DUSP22: variants seen among roughly 807,000 people sequenced by gnomAD.
DUSP22 encodes dual specificity protein phosphatase 22.
DUSP22 carries 24 observed loss-of-function variants against 24.5 expected under a neutral mutation model. The ratio of observed to expected loss-of-function variants is 0.98; its 90% confidence interval spans 0.71 to 1.38. The LOEUF (loss-of-function observed/expected upper bound fraction) is 1.38. Among genes scored for constraint, DUSP22 ranks in the 40% most tolerant of loss-of-function variants. The pLI is 0.00. For missense variants in DUSP22, 330 were observed against 269.2 expected (o/e 1.23, Z -1.58); for synonymous variants, 160 against 106.4 (o/e 1.50, Z -3.10).
At chr6:337,718 C>T (rs1273983387) in intron 4 of DUSP22, among the ~76,000 whole-genome samples, 4 of 152,304 alleles carry the variant, frequency 2.6e-5, no homozygotes, top group Non-Finnish European at 4.4e-5. Flanking sequence ...TTAGCGCATC[C>T]GTCACCCGAA....
chr6:338,925 G>C (rs1337937215), intron 4 of DUSP22, among the ~76,000 whole-genome samples: 1 of 152,304 alleles, frequency 6.6e-6, no homozygotes, highest in Non-Finnish European at 1.5e-5. Flanking sequence ...TCAGTTTTCT[G>C]TCTTGGCCTC....
Position 348,467 on chromosome 6 carries a change from G to A in DUSP22, c.435+193G>A, listed in dbSNP as rs112277214. ...TCGTGCACCTGTTGAAGCCACAGGC[G>A]CCTACCCTTTGTCATTCTCCTTGTG... On this transcript the variant is annotated intron_variant, in intron 6 of 6. Transcript: ENST00000419235. The A allele has an allele frequency of 1.2e-3, 1,235 of 1,001,930 alleles. 1 individual carries two copies. The African/African-American group carries it at 0.017, about 14-fold the overall frequency. The allele number at this position is 1,001,930 out of a possible 1,614,324, so 62.1% of individuals were successfully genotyped here. A position where few individuals can be genotyped will look rare whatever the true frequency, so the allele number is the denominator to read the frequency against.
At position 345,902 on chromosome 6, in the gene DUSP22, C is replaced by A; in HGVS notation, c.237C>A (p.Leu79=). Residue 79 remains leucine (L), a synonymous_variant, in exon 5 of 7, where the codon CTC becomes CTA. Coordinates refer to ENST00000419235, the MANE Select transcript of DUSP22 (RefSeq NM_001286555.3). ...ESIKFIHECR[L]RGESCLVHCL... is the part of the protein sequence containing the mutation. ...TTAAATTCATTCACGAGTGCCGGCT[C>A]CGCGGTGAGAGCTGCCTTGTACACT... The A allele has an allele frequency of 6.2e-7, 1 of 1,614,290 alleles. No homozygotes were observed. The highest frequency in any genetic ancestry group is 1.1e-5 in the South Asian group (1 of 91,092).
chr6:345,894 T>C lies in DUSP22; in HGVS notation c.229T>C (p.Cys77Arg). ...AGAAAGTATTAAATTCATTCACGAG[T>C]GCCGGCTCCGCGGTGAGAGCTGCCT... ...FKESIKFIHE[C>R]RLRGESCLVH... The change falls in exon 5 of 7, where the codon TGC (cysteine) becomes CGC (arginine). Residue 77 changes from cysteine to arginine, a missense_variant. Physicochemically the swap from Cys to Arg is radical, Grantham distance 180. Transcript: ENST00000419235. 8 of 1,614,272 alleles carry C rather than the reference T, an allele frequency of 5.0e-6. No individual in the cohort carries two copies. Among genetic ancestry groups the C allele is most frequent in the Non-Finnish European group, 5.9e-6 (7 of 1,180,022 alleles).
Position 348,219 on chromosome 6 carries a change from C to T in DUSP22, c.380C>T (p.Pro127Leu). 1 of 1,614,312 alleles carries T rather than the reference C, an allele frequency of 6.2e-7. No homozygotes were observed. The highest frequency in any genetic ancestry group is 8.5e-7 in the Non-Finnish European group (1 of 1,180,058). Residue 127 changes from proline (P) to leucine (L), a missense_variant, in exon 6 of 7, where the codon CCC (proline) becomes CTC (leucine). Coordinates refer to ENST00000419235, the MANE Select transcript of DUSP22 (RefSeq NM_001286555.3). ...TVRAGRSCAN[P>L]NVGFQRQLQE... Reference sequence around the variant, plus strand: ...CGTGCTGGGAGATCCTGTGCCAACCCCAACGTGGGCTTCCAGAGACAGCTC... The same window carrying T: ...CGTGCTGGGAGATCCTGTGCCAACCTCAACGTGGGCTTCCAGAGACAGCTC...
At chr6:300,380 G>A (rs1485395131) in intron 1 of DUSP22, among the ~76,000 whole-genome samples, 1 of 152,310 alleles carries the variant, frequency 6.6e-6, no homozygotes, top group Non-Finnish European at 1.5e-5. Flanking sequence ...AAGCTACACG[G>A]AGCCCTAAGC....
chr6:346,976 A>G (rs1759913818), intron 5 of DUSP22, among the ~76,000 whole-genome samples: 1 of 152,306 alleles, frequency 6.6e-6, no homozygotes, highest in Admixed American at 6.5e-5. Flanking sequence ...CTGCAGTTTC[A>G]TACAGTTCTT....
chr6:345,199 A>T (rs1759802067), intron 4 of DUSP22, among the ~76,000 whole-genome samples: 1 of 151,914 alleles, frequency 6.6e-6, no homozygotes, highest in Non-Finnish European at 1.5e-5. Flanking sequence ...AGTAAACCAC[A>T]GGAAGAATAA....
At chr6:329,359 A>G (rs1427844815) in intron 3 of DUSP22, among the ~76,000 whole-genome samples, 1 of 152,310 alleles carries the variant, frequency 6.6e-6, no homozygotes, top group African/African-American at 2.4e-5. Flanking sequence ...CTTTAGGAGA[A>G]TGAAAAAGTC....
intron 2 of DUSP22, among the ~76,000 whole-genome samples, chr6:310,688 AT>A (rs1758042042): frequency 6.6e-6 from 1 of 152,304 alleles, no homozygotes; most frequent in Admixed American, 6.5e-5. Context: ...ATGGTTTTGT[AT>A]TTAGCTTTTT....
chr6:304,801 A>G (rs1757746474), intron 2 of DUSP22, 140 bp downstream of exon 2: 2 of 1,272,708 alleles, frequency 1.6e-6, no homozygotes, highest in Non-Finnish European at 1.1e-6. Flanking sequence ...CTTCTGCAGG[A>G]CTTTTCATGT....
Position 321,618 on chromosome 6 carries a change from C to T in DUSP22, c.138+9656C>T, listed in dbSNP as rs532421185. ...AAAATGAAAGAAGGGGAAAGATTCT[C>T]TAGCAAGAATCAAGCAAAAGGAACA... On this transcript the variant is annotated intron_variant, in intron 3 of 6. Coordinates refer to ENST00000419235, the MANE Select transcript of DUSP22 (RefSeq NM_001286555.3). 4.1e-4 allele frequency among the ~76,000 whole-genome samples: 62 copies of T among 152,374 alleles called. No individual in the cohort carries two copies. The East Asian group carries it at 0.011, about 28-fold the overall frequency.
intron 1 of DUSP22, among the ~76,000 whole-genome samples, chr6:298,439 C>T (rs1265516242): frequency 6.6e-6 from 1 of 152,302 alleles, no homozygotes; most frequent in Non-Finnish European, 1.5e-5. Flanking sequence ...GAGTTTACTT[C>T]TCAGCATCAG....
rs916469909 is a variant in DUSP22 at position 350,471 on chromosome 6, C to T, written c.*1520C>T. 9 of 1,161,616 alleles carry T rather than the reference C, an allele frequency of 7.7e-6. No individual in the cohort carries two copies. Among genetic ancestry groups the T allele is most frequent in the African/African-American group, 1.6e-5 (1 of 62,690 alleles). The allele number at this position is 1,161,616 out of a possible 1,614,324, so 72.0% of individuals were successfully genotyped here. Reference sequence around the variant, plus strand: ...TCTGAATTCCACCACAAAAAGAGACCCTGAATAAGAAGAGCAGTTTTCCTG... The same window carrying T: ...TCTGAATTCCACCACAAAAAGAGACTCTGAATAAGAAGAGCAGTTTTCCTG... On this transcript the variant is annotated 3_prime_UTR_variant, in exon 7 of 7. Coordinates refer to ENST00000419235, the MANE Select transcript of DUSP22 (RefSeq NM_001286555.3).
At chr6:321,496 A>T (rs1758586005) in intron 3 of DUSP22, among the ~76,000 whole-genome samples, 1 of 152,306 alleles carries the variant, frequency 6.6e-6, no homozygotes, top group Admixed American at 6.5e-5. Flanking sequence ...AGAAGTGATG[A>T]GGGTCTGAAC....
chr6:307,147 G>C (rs1253431922), intron 2 of DUSP22, among the ~76,000 whole-genome samples: 2 of 152,424 alleles, frequency 1.3e-5, no homozygotes, highest in African/African-American at 4.8e-5. Context: ...CTCTTGCCTG[G>C]CATCTCATAT....
intron 1 of DUSP22, among the ~76,000 whole-genome samples, chr6:294,108 T>G (rs988365591): frequency 6.6e-6 from 1 of 152,418 alleles, no homozygotes; most frequent in East Asian, 1.9e-4. Context: ...AAAAATATAT[T>G]TAGGAATACA....
chr6:350,562 C>T lies in DUSP22; in HGVS notation c.*1611C>T, dbSNP rs1361010341. ...CGGGAAAAACAAAGTTGCCTGATTCCGCGCAGGTGCACAGGCCCCGGATGT... is the reference window on the plus strand; with the variant it reads ...CGGGAAAAACAAAGTTGCCTGATTCTGCGCAGGTGCACAGGCCCCGGATGT... On this transcript the variant is annotated 3_prime_UTR_variant, in exon 7 of 7. Coordinates refer to ENST00000419235, the MANE Select transcript of DUSP22 (RefSeq NM_001286555.3). 114 of 1,378,136 alleles carry T rather than the reference C, an allele frequency of 8.3e-5. No individual in the cohort carries two copies. The highest frequency in any genetic ancestry group is 2.7e-4 in the Middle Eastern group (1 of 3,704). 85.4% of individuals were successfully genotyped at this position (1,378,136 alleles called of 1,614,324 possible).
At chr6:328,038 G>A (rs1758965715) in intron 3 of DUSP22, among the ~76,000 whole-genome samples, 1 of 152,300 alleles carries the variant, frequency 6.6e-6, no homozygotes, top group African/African-American at 2.4e-5. Context: ...ATCAGATAAT[G>A]TTTGTAAGAG....
Sources: gnomAD v4.1 joint callset for allele counts (sites outside exome capture counted in the v4.1 genomes callset) on GRCh38, gnomAD v4.1.1 for gene constraint, MANE v1.5 for transcripts, NCBI Gene and HGNC (gene_info 2026-07-23, HGNC 2026-07-21) for gene names.